HOXB3: variants seen among roughly 807,000 people sequenced by gnomAD.
HOXB3 encodes homeobox B3, also known as homeobox protein Hox-B3.
Under a neutral mutation model 29.2 loss-of-function variants are expected in HOXB3, and 17 were observed. The ratio of observed to expected loss-of-function variants is 0.58; its 90% CI spans 0.40 to 0.87. The LOEUF (loss-of-function observed/expected upper bound fraction) is 0.87, where lower values mean the gene tolerates loss of function less well. HOXB3 is among the 40% of genes least tolerant of loss of function. The probability of loss-of-function intolerance (pLI) is 0.00; values close to 1 mark genes in which losing one functional copy is unlikely to be tolerated. For missense variants in HOXB3, 637 were observed against 616.3 expected (o/e 1.03, Z -0.35); for synonymous variants, 317 against 285.9 (o/e 1.11, Z -1.10).
At position 48,550,480 on chromosome 17, in the gene HOXB3, G is replaced by A; in HGVS notation, c.1150C>T (p.Leu384=). The change falls in exon 5 of 5, where the codon CTG becomes TTG. Residue 384 remains leucine, a synonymous_variant. Transcript: ENST00000498678. ...ATAGGGGGCGCCCCGTTGTAGTCCA[G>A]GTTCCCGGAAGGGTGATGGGAAAGG... ...NHLSHHPSGN[L]DYNGAPPMAP... is the part of the protein sequence containing the mutation. 6.2e-7 allele frequency: 1 copy of A among 1,609,584 alleles called. No homozygotes were observed. The highest frequency in any genetic ancestry group is 8.5e-7 in the Non-Finnish European group (1 of 1,178,976).
rs747283545 is a variant in HOXB3 at position 48,550,756 on chromosome 17, G to A, written c.874C>T (p.Pro292Ser). 2 of 1,596,382 alleles carry A rather than the reference G, an allele frequency of 1.3e-6. No individual in the cohort carries two copies. Among genetic ancestry groups the A allele is most frequent in the East Asian group, 2.2e-5 (1 of 44,526 alleles). Residue 292 changes from proline to serine, a missense_variant, in exon 5 of 5, where the codon CCC becomes TCC. By Grantham distance (74) the Pro-to-Ser change is moderately conservative (BLOSUM62 -1). Transcript: ENST00000498678. ...MTPSYESPSP[P>S]AFGKAHQNAY... ...TTCTGGTGGGCTTTACCGAAGGCGGGTGGGGACGGGCTCTCGTAGCTGGGG... is the reference window on the plus strand; with the variant it reads ...TTCTGGTGGGCTTTACCGAAGGCGGATGGGGACGGGCTCTCGTAGCTGGGG...
At chr17:48,574,986 A>G (rs1295219617) in intron 1 of HOXB3, 4 of 152,234 alleles carry the variant, frequency 2.6e-5, no homozygotes, top group African/African-American at 9.7e-5. Context: ...ACCCAGAAAC[A>G]TCTGTGCAAA....
At chr17:48,577,906 C>A in intron 1 of HOXB3, 1 of 1,376,914 alleles carries the variant, frequency 7.3e-7, no homozygotes. Context: ...AGACGACGGG[C>A]TCTTTGCACG....
chr17:48,554,576 C>T lies in HOXB3; in HGVS notation c.-159+955G>A, dbSNP rs2068884918. ...GTAGTCCCTGGCTGCTGCTGCCAGG[C>T]TGCCTCAGCCGGTCGCTGCTGCCGC... On this transcript the variant is annotated intron_variant, in intron 3 of 4. Transcript: ENST00000498678. This position sits in a 1 kb window ranked among gnomAD's most constrained non-coding sequence, Gnocchi z 4.1. 3 of 697,316 alleles carry T rather than the reference C, an allele frequency of 4.3e-6. No individual in the cohort carries two copies. The South Asian group carries it at 4.5e-5, about 10-fold the overall frequency. 43.2% of individuals were successfully genotyped at this position (697,316 alleles called of 1,614,324 possible). A position where few individuals can be genotyped will look rare whatever the true frequency, so the allele number is the denominator to read the frequency against.
intron 1 of HOXB3, among the ~76,000 whole-genome samples, chr17:48,588,284 C>A (rs58256002): frequency 1.3e-5 from 2 of 152,194 alleles, no homozygotes; most frequent in African/African-American, 4.8e-5. Context: ...GGAGGAGACC[C>A]TTCAAGAGTT....
At chr17:48,564,519 T>C (rs916296976) in intron 2 of HOXB3, among the ~76,000 whole-genome samples, 2 of 152,026 alleles carry the variant, frequency 1.3e-5, no homozygotes, top group African/African-American at 2.4e-5. Context: ...GCCAGTTTCC[T>C]GAGAAGCTCC....
rs115744147 is a variant in HOXB3, at chr17:48,572,423, G to T, written c.-247+1414C>A. 4.1e-3 allele frequency among the ~76,000 whole-genome samples: 625 copies of T among 152,342 alleles called. 4 individuals carry two copies. Among genetic ancestry groups the T allele is most frequent in the African/African-American group, 0.014 (590 of 41,576 alleles). On this transcript the variant is annotated intron_variant, in intron 2 of 4. Transcript: ENST00000498678. ...ATGACAGCCTCTGAAGCAATGTTCAGGGCGGATAAGCCCTTTCTCTCCTCG... is the reference window on the plus strand; with the variant it reads ...ATGACAGCCTCTGAAGCAATGTTCATGGCGGATAAGCCCTTTCTCTCCTCG...
chr17:48,580,181 A>T (rs2069898845), intron 1 of HOXB3: 1 of 273,162 alleles, frequency 3.7e-6, no homozygotes, highest in Non-Finnish European at 7.0e-6. Context: ...GCCGCCGCGC[A>T]ACTCTCGGTG....
At chr17:48,557,939 C>A (rs535263682) in intron 2 of HOXB3, among the ~76,000 whole-genome samples, 1 of 152,030 alleles carries the variant, frequency 6.6e-6, no homozygotes, top group Non-Finnish European at 1.5e-5. Context: ...CAGGGTCAGA[C>A]CCCATGTAAC....
chr17:48,550,498 G>A lies in HOXB3; in HGVS notation c.1132C>T (p.His378Tyr), dbSNP rs1567942007. 6.2e-7 allele frequency: 1 copy of A among 1,602,942 alleles called. No individual in the cohort carries two copies. The change falls in exon 5 of 5, where the codon CAT becomes TAT. Residue 378 changes from histidine to tyrosine, a missense_variant. Coordinates refer to ENST00000498678, the MANE Select transcript of HOXB3 (RefSeq NM_001384749.1). ...PSLYGLNHLSHHPSGNLDYNG... is the reference protein window; with the variant it reads ...PSLYGLNHLSYHPSGNLDYNG... The stretch of plus-strand genomic sequence containing the variant: ...TAGTCCAGGTTCCCGGAAGGGTGAT[G>A]GGAAAGGTGGTTGAGGCCATAGAGG...
At chr17:48,575,356 G>C (rs1273645334) in intron 1 of HOXB3, 10 of 152,130 alleles carry the variant, frequency 6.6e-5, no homozygotes, top group Admixed American at 6.5e-4. Context: ...CCACAATTTG[G>C]AGTCCTCTGA....
Position 48,549,447 on chromosome 17 carries a change from T to C in HOXB3, c.*887A>G, listed in dbSNP as rs1253458846. On this transcript the variant is annotated 3_prime_UTR_variant, in exon 5 of 5. Coordinates refer to ENST00000498678, the MANE Select transcript of HOXB3 (RefSeq NM_001384749.1). ...ACACAGGCCCTGCCCAGCCCCTGCCTGGGACAGTTTGTTCAAATATACCCT... is the reference window on the plus strand; with the variant it reads ...ACACAGGCCCTGCCCAGCCCCTGCCCGGGACAGTTTGTTCAAATATACCCT... 5.4e-5 allele frequency: 2 copies of C among 36,888 alleles called. No homozygotes were observed. Among genetic ancestry groups the C allele is most frequent in the Non-Finnish European group, 8.9e-5 (1 of 11,210 alleles). The allele number at this position is 36,888 out of a possible 1,614,324, so 2.3% of individuals were successfully genotyped here. A position where few individuals can be genotyped will look rare whatever the true frequency, so the allele number is the denominator to read the frequency against.
At chr17:48,576,650 T>TGCCCC in intron 1 of HOXB3, 8 of 567,758 alleles carry the variant, frequency 1.4e-5, no homozygotes, top group East Asian at 1.0e-4. Flanking sequence ...CCCCCTCCTG[T>TGCCCC]CCCCCCACCC....
rs1217365848 is a variant in HOXB3, at chr17:48,578,638, CGAGA to C, written c.-424-4628_-424-4625del. On this transcript the variant is annotated intron_variant, in intron 1 of 4. Coordinates refer to ENST00000498678, the MANE Select transcript of HOXB3 (RefSeq NM_001384749.1). ...GCTCTCTCCGGGATCAGAGAGAGAG[CGAGA>C]GAGAGAGCGCGCGCAGGTTGCGACT... is the stretch of plus-strand genomic sequence containing the variant. 49 of 314,838 alleles carry C rather than the reference CGAGA, an allele frequency of 1.6e-4. 1 individual carries two copies. Among genetic ancestry groups the C allele is most frequent in the African/African-American group, 1.0e-3 (43 of 41,710 alleles). 19.5% of individuals were successfully genotyped at this position (314,838 alleles called of 1,614,324 possible).
chr17:48,565,989 C>A (rs1374290327), intron 2 of HOXB3, among the ~76,000 whole-genome samples: 1 of 152,152 alleles, frequency 6.6e-6, no homozygotes, highest in Non-Finnish European at 1.5e-5. Context: ...GTCACTAAAG[C>A]GTTAGCAGCC....
At chr17:48,570,102 C>T (rs1055048688) in intron 2 of HOXB3, among the ~76,000 whole-genome samples, 2 of 152,138 alleles carry the variant, frequency 1.3e-5, no homozygotes, top group African/African-American at 4.8e-5. Flanking sequence ...TTGAAGTCAG[C>T]CTGGCAGCCC....
At chr17:48,577,038 G>C (rs1337192500) in intron 1 of HOXB3, 4 of 1,546,232 alleles carry the variant, frequency 2.6e-6, no homozygotes, top group Non-Finnish European at 3.5e-6. Context: ...CACACGGAGA[G>C]AGGGAGAAAG....
intron 1 of HOXB3, among the ~76,000 whole-genome samples, chr17:48,584,881 C>T (rs1259257876): frequency 2.6e-5 from 4 of 152,024 alleles, no homozygotes; most frequent in African/African-American, 9.7e-5. Flanking sequence ...TCCCAGGCTC[C>T]CTCGTCCGTC....
intron 2 of HOXB3, among the ~76,000 whole-genome samples, chr17:48,561,083 G>A (rs1347097950): frequency 6.6e-6 from 1 of 152,118 alleles, no homozygotes; most frequent in Non-Finnish European, 1.5e-5. Flanking sequence ...GGGAGGCTGA[G>A]GCAGGAGAAT....
Sources: gnomAD v4.1 joint callset for allele counts (sites outside exome capture counted in the v4.1 genomes callset) on GRCh38, gnomAD v4.1.1 for gene constraint, Gnocchi (gnomAD v3.1) non-coding constraint, MANE v1.5 for transcripts, NCBI Gene and HGNC (gene_info 2026-07-23, HGNC 2026-07-21) for gene names.